NELFA: variants seen among roughly 807,000 people sequenced by gnomAD.
NELFA encodes the protein negative elongation factor A.
NELFA carries 35 observed loss-of-function variants against 51.8 expected under a neutral mutation model. That is an observed-to-expected ratio of 0.68 (90% CI 0.52 to 0.90). NELFA has a LOEUF of 0.90. Ranked by LOEUF, NELFA falls within the 40% of genes least tolerant of loss-of-function variation. The probability of loss-of-function intolerance (pLI) is 0.00; values close to 1 mark genes in which losing one functional copy is unlikely to be tolerated. For synonymous variants in NELFA, 417 were observed against 338.4 expected, an observed-to-expected ratio of 1.23 and a Z score of -2.55; for missense variants, 658 against 746.4, an observed-to-expected ratio of 0.88 and a Z score of 1.38.
chr4:2,008,619 G>C (rs1250735871), intron 1 of NELFA, 131 bp downstream of exon 1: 2 of 1,051,350 alleles, frequency 1.9e-6, no homozygotes, highest in African/African-American at 1.7e-5. Context: ...AGGGCGGGCC[G>C]GGGGGGTTAA....
At chr4:1,991,279 A>C (rs231200) in intron 2 of NELFA, among the ~76,000 whole-genome samples, 39,855 of 152,006 alleles carry the variant, frequency 0.26, 5,313 homozygotes, top group East Asian at 0.31. Context: ...GACCAGAGAG[A>C]GACGGCGAGT....
In NELFA at chr4:1,989,505, C is replaced by A. The variant is rs532213058; in HGVS notation, c.544+203G>T. On this transcript the variant is annotated intron_variant, in intron 3 of 10. Coordinates refer to ENST00000382882, the MANE Select transcript of NELFA (RefSeq NM_005663.5). This position sits in a 1 kb window ranked among gnomAD's most constrained non-coding sequence, Gnocchi z 4.8. ...ACCATGCCCGGCTAATGTTTTGGTA[C>A]TTTTGGTAGAGATGGGGTTTCTTGG... is the stretch of plus-strand genomic sequence containing the variant. Among the ~76,000 whole-genome samples the A allele has an allele frequency of 6.6e-6, 1 of 152,020 alleles. No individual in the cohort carries two copies. Among genetic ancestry groups the A allele is most frequent in the East Asian group, 1.9e-4 (1 of 5,144 alleles).
At chr4:1,985,889 C>T (rs1240261083) in intron 6 of NELFA, 25 bp from the exon 7 acceptor site, 1 of 1,593,388 alleles carries the variant, frequency 6.3e-7, no homozygotes, top group Non-Finnish European at 8.6e-7. Flanking sequence ...GGAGTCCTCG[C>T]CAGTGCCCGG....
chr4:1,987,865 C>T (rs532673204), intron 4 of NELFA, 53 bp downstream of exon 4: 2 of 1,467,256 alleles, frequency 1.4e-6, no homozygotes, highest in African/African-American at 2.8e-5. Flanking sequence ...CCAGGTGAAG[C>T]CCTTAGCTCT....
intron 1 of NELFA, among the ~76,000 whole-genome samples, chr4:1,996,327 G>A (rs1253105877): frequency 4.6e-5 from 7 of 152,182 alleles, no homozygotes; most frequent in Non-Finnish European, 8.8e-5. Context: ...ATAGTGTGAC[G>A]ATACAGTTCT....
rs539777301 is a variant in NELFA at position 1,985,359 on chromosome 4, G to A, written c.924+417C>T. Reference sequence around the variant, plus strand: ...CCACTGCAGCCTCTGTGCACCTGCCGCGCCCCGTGGCTGCCTCCCACCCGC... The same window carrying A: ...CCACTGCAGCCTCTGTGCACCTGCCACGCCCCGTGGCTGCCTCCCACCCGC... On this transcript the variant is annotated intron_variant, in intron 7 of 10. Coordinates refer to ENST00000382882, the MANE Select transcript of NELFA (RefSeq NM_005663.5). Among the ~76,000 whole-genome samples, 15 of 152,284 alleles carry A rather than the reference G, an allele frequency of 9.9e-5. No homozygotes were observed. The East Asian group carries it at 1.5e-3, about 16-fold the overall frequency.
intron 8 of NELFA, among the ~76,000 whole-genome samples, chr4:1,984,531 G>A (rs909790653): frequency 6.6e-6 from 1 of 152,186 alleles, no homozygotes; most frequent in Non-Finnish European, 1.5e-5. Flanking sequence ...GGGTCACCTG[G>A]CAGAAAACCC....
At chr4:1,990,137 C>T (rs754959461) in intron 2 of NELFA, 17 of 507,882 alleles carry the variant, frequency 3.3e-5, no homozygotes, top group Non-Finnish European at 5.7e-5. Context: ...CCAAGAACCA[C>T]AGGCGGACAT....
chr4:1,987,848 C>G, intron 4 of NELFA, 70 bp downstream of exon 4: 1 of 1,286,998 alleles, frequency 7.8e-7, no homozygotes. Flanking sequence ...CAACAGGGAG[C>G]GGGTCTCCAG....
chr4:1,999,859 TA>T (rs1728526944), intron 1 of NELFA, among the ~76,000 whole-genome samples: 1 of 152,186 alleles, frequency 6.6e-6, no homozygotes, highest in Admixed American at 6.5e-5. Context: ...ACGTGGCACT[TA>T]CTCTAAAATC....
intron 1 of NELFA, among the ~76,000 whole-genome samples, chr4:1,994,542 G>A (rs1174339037): frequency 6.6e-6 from 1 of 151,112 alleles, no homozygotes; most frequent in Non-Finnish European, 1.5e-5. Context: ...TCCAGCCTGG[G>A]CAACAGAGCA....
Position 1,983,645 on chromosome 4 carries a change from G to GAA in NELFA, c.1352_1353insTT (p.Thr452SerfsTer27). On this transcript the variant is annotated frameshift_variant, in exon 10 of 11. Transcript: ENST00000382882. LOFTEE classifies it high-confidence loss of function. ...GGATGAGGGCCTTCTCGGGCCGCGT[G>GAA]ACTTTGTTGGCCGTCTTGAACATCT... The GAA allele has an allele frequency of 6.2e-7, 1 of 1,614,090 alleles. No individual in the cohort carries two copies. The highest frequency in any genetic ancestry group is 8.5e-7 in the Non-Finnish European group (1 of 1,179,996).
rs148319759 is a variant in NELFA at position 1,987,964 on chromosome 4, G to C, written c.588C>G (p.Pro196=). The change falls in exon 4 of 11, where the codon CCC becomes CCG. Residue 196 remains proline (P), a synonymous_variant. Coordinates refer to ENST00000382882, the MANE Select transcript of NELFA (RefSeq NM_005663.5). ...AQQLKRSAGV[P]FHAKGRGLLR... is the part of the protein sequence containing the mutation. Reference sequence around the variant, plus strand: ...GCAGCCCCCGGCCCTTGGCGTGGAAGGGCACCCCGGCGCTCCGCTTCAACT... The same window carrying C: ...GCAGCCCCCGGCCCTTGGCGTGGAACGGCACCCCGGCGCTCCGCTTCAACT... The C allele has an allele frequency of 4.3e-6, 7 of 1,611,344 alleles. No homozygotes were observed. The highest frequency in any genetic ancestry group is 5.9e-6 in the Non-Finnish European group (7 of 1,179,706).
chr4:1,992,510 C>T (rs564993301), intron 1 of NELFA: 17 of 424,550 alleles, frequency 4.0e-5, no homozygotes, highest in South Asian at 2.6e-4. Flanking sequence ...CTCTGCCATG[C>T]GCCCACTGGG....
chr4:1,990,912 T>C (rs1399310600), intron 2 of NELFA, among the ~76,000 whole-genome samples: 2 of 151,374 alleles, frequency 1.3e-5, no homozygotes, highest in African/African-American at 4.9e-5. Context: ...GTGATCCTCC[T>C]GACTCAGCCT....
intron 1 of NELFA, 30 bp downstream of exon 1, chr4:2,008,720 G>T: frequency 6.3e-7 from 1 of 1,579,568 alleles, no homozygotes; most frequent in South Asian, 1.2e-5. Flanking sequence ...TTGGGAATCT[G>T]GGGGCCGCGG....
chr4:1,984,736 GCAGCGCCCGTGGGC>G, intron 8 of NELFA, 58 bp downstream of exon 8: 2 of 1,104,626 alleles, frequency 1.8e-6, no homozygotes, highest in Non-Finnish European at 2.6e-6. Flanking sequence ...CGCAGCCCTG[GCAGCGCCCGTGGGC>G]AAGGTCATGT....
chr4:1,993,784 C>G (rs1728347539), intron 1 of NELFA, among the ~76,000 whole-genome samples: 1 of 147,784 alleles, frequency 6.8e-6, no homozygotes, highest in African/African-American at 2.5e-5. Flanking sequence ...TGGGAACGAG[C>G]TCCCCTGGGC....
intron 1 of NELFA, among the ~76,000 whole-genome samples, chr4:2,002,060 C>T (rs919868291): frequency 4.6e-5 from 7 of 151,728 alleles, no homozygotes; most frequent in African/African-American, 9.7e-5. Context: ...ATTAGCCAGG[C>T]ATGGTGGCGG....
Sources: allele counts gnomAD v4.1 joint callset (sites outside exome capture counted in the v4.1 genomes callset), GRCh38; gene constraint gnomAD v4.1.1; non-coding constraint Gnocchi (gnomAD v3.1); transcripts MANE v1.5; gene names NCBI Gene and HGNC (gene_info 2026-07-23, HGNC 2026-07-21).